The following LRRC37A variants were observed in gnomAD, a reference collection of about 807,000 sequenced individuals.
LRRC37A encodes the protein leucine rich repeat containing 37A, also known as leucine-rich repeat-containing protein 37A.
In LRRC37A, 3 loss-of-function variants were observed where a neutral mutation model predicts 35.4. That is an observed-to-expected ratio of 0.08 (90% CI 0.04 to 0.22). The LOEUF is 0.22. Among genes scored for constraint, LRRC37A ranks in the 10% least tolerant of loss-of-function variants. The pLI is 1.00. For synonymous variants in LRRC37A, 23 were observed against 215.0 expected, an observed-to-expected ratio of 0.11 and a Z score of 7.81; for missense variants, 67 against 565.3, an observed-to-expected ratio of 0.12 and a Z score of 8.94.
At chr17:46,259,481 T>A in the LRRC37A span, 1 of 1,442,948 alleles carries the variant, frequency 6.9e-7, no homozygotes, top group Non-Finnish European at 9.6e-7. Context: ...CCACCCAGGT[T>A]TGCTGGGTTG....
chr17:46,262,709 C>T, the LRRC37A span, among the ~76,000 whole-genome samples: 4 of 151,228 alleles, frequency 2.6e-5, no homozygotes, highest in East Asian at 1.9e-4. Context: ...TCACTTGAAC[C>T]GGGAGGCGGA....
the LRRC37A span, chr17:46,275,300 A>C: frequency 1.4e-6 from 1 of 703,430 alleles, no homozygotes; most frequent in East Asian, 4.5e-5. Context: ...TAGCCTCACT[A>C]AAAAGATCTG....
At chr17:46,289,803 C>T (rs1465697885), upstream of LRRC37A, among the ~76,000 whole-genome samples, 3 of 152,112 alleles carry the variant, frequency 2.0e-5, no homozygotes, top group Admixed American at 1.3e-4. Flanking sequence ...AATGAAGGGC[C>T]GAATTAATTT....
chr17:46,302,720 TA>T lies in LRRC37A; in HGVS notation c.2753+13del, dbSNP rs1292147322. 1.2e-5 allele frequency: 2 copies of T among 165,744 alleles called. No homozygotes were observed. Among genetic ancestry groups the T allele is most frequent in the East Asian group, 9.3e-5 (2 of 21,430 alleles). The allele number at this position is 165,744 out of a possible 1,614,324, so 10.3% of individuals were successfully genotyped here. A position where few individuals can be genotyped will look rare whatever the true frequency, so the allele number is the denominator to read the frequency against. On this transcript the variant is annotated intron_variant, in intron 3 of 13. Coordinates refer to ENST00000320254, the Ensembl canonical transcript of LRRC37A. The stretch of plus-strand genomic sequence containing the variant: ...ATCCCTCCAGTATTTGTAAGTTAGT[TA>T]ATTATATTTATGAGTTTTTAGTCAT...
chr17:46,279,145 T>C, the LRRC37A span, among the ~76,000 whole-genome samples: 2 of 152,084 alleles, frequency 1.3e-5, no homozygotes, highest in Non-Finnish European at 2.9e-5. Flanking sequence ...TTTTTCTCTA[T>C]ACCACCTAGT....
the LRRC37A span, among the ~76,000 whole-genome samples, chr17:46,254,459 T>TTCCCAGGC: frequency 6.6e-6 from 1 of 152,148 alleles, no homozygotes; most frequent in Non-Finnish European, 1.5e-5. Context: ...TCACTCTTGT[T>TTCCCAGGC]TCCCAGGCTC....
chr17:46,269,932 G>C, the LRRC37A span, among the ~76,000 whole-genome samples: 2 of 152,190 alleles, frequency 1.3e-5, no homozygotes, highest in African/African-American at 2.4e-5. Flanking sequence ...ACCAATGACA[G>C]CTCACAAGCA....
the LRRC37A span, among the ~76,000 whole-genome samples, chr17:46,279,017 C>T: frequency 6.6e-6 from 1 of 151,882 alleles, no homozygotes; most frequent in Admixed American, 6.6e-5. Flanking sequence ...AGGCTGGTCT[C>T]GAACTCCTGA....
chr17:46,257,648 T>C, the LRRC37A span, among the ~76,000 whole-genome samples: 1 of 143,710 alleles, frequency 7.0e-6, no homozygotes, highest in East Asian at 2.1e-4. Flanking sequence ...ACTTTGTTTC[T>C]ACTTAAAAAA....
chr17:46,278,163 C>T, the LRRC37A span, among the ~76,000 whole-genome samples: 1 of 152,130 alleles, frequency 6.6e-6, no homozygotes, highest in Non-Finnish European at 1.5e-5. Context: ...GCCAGCTGGT[C>T]TCGAACTCCT....
the LRRC37A span, among the ~76,000 whole-genome samples, chr17:46,252,081 C>T: frequency 6.6e-6 from 1 of 152,192 alleles, no homozygotes; most frequent in Non-Finnish European, 1.5e-5. Context: ...AAGATGGAAT[C>T]CTTAGTAAAT....
chr17:46,254,673 C>G, the LRRC37A span, among the ~76,000 whole-genome samples: 13 of 151,586 alleles, frequency 8.6e-5, no homozygotes, highest in Non-Finnish European at 1.9e-4. Flanking sequence ...TCCGGAGTAG[C>G]TGGGATTACA....
chr17:46,263,550 CAAAAAAA>C, the LRRC37A span, among the ~76,000 whole-genome samples: 5 of 63,630 alleles, frequency 7.9e-5, no homozygotes, highest in South Asian at 1.0e-3. Context: ...GACTCTGTCT[CAAAAAAA>C]AAAAAAAAAA....
At chr17:46,248,577 C>T in the LRRC37A span, among the ~76,000 whole-genome samples, 3 of 152,014 alleles carry the variant, frequency 2.0e-5, no homozygotes, top group Non-Finnish European at 2.9e-5. Flanking sequence ...TGCAGTGCAG[C>T]GGCATGACCT....
chr17:46,268,842 GTCACTTTGTTATT>G, the LRRC37A span: 1 of 591,096 alleles, frequency 1.7e-6, no homozygotes, highest in East Asian at 4.8e-5. Context: ...TCTCGAAGGT[GTCACTTTGTTATT>G]TACAAGATGC....
At chr17:46,330,671 C>T in exon 9 of LRRC37A, 1 of 290,708 alleles carries the variant, frequency 3.4e-6, no homozygotes, top group Non-Finnish European at 6.6e-6. Context: ...AGCGGTAAAC[C>T]TAGATGTGAA....
At chr17:46,265,319 TTCTTCTTTTTTTCTCC>T in the LRRC37A span, among the ~76,000 whole-genome samples, 1 of 137,674 alleles carries the variant, frequency 7.3e-6, no homozygotes. Flanking sequence ...CTTCTTCCTC[TTCTTCTTTTTTTCTCC>T]TCTTCTTCTT....
the LRRC37A span, among the ~76,000 whole-genome samples, chr17:46,272,660 C>T: frequency 6.6e-6 from 1 of 152,196 alleles, no homozygotes; most frequent in African/African-American, 2.4e-5. Context: ...GGTGATCCCC[C>T]CTGCCTCGGC....
chr17:46,279,553 G>C, the LRRC37A span, among the ~76,000 whole-genome samples: 1 of 147,252 alleles, frequency 6.8e-6, no homozygotes, highest in East Asian at 2.0e-4. Flanking sequence ...CCAGGCTGGA[G>C]TGTAGTTGCA....
Sources: gnomAD v4.1 joint callset for allele counts (sites outside exome capture counted in the v4.1 genomes callset) on GRCh38, gnomAD v4.1.1 for gene constraint, MANE v1.5 for transcripts, NCBI Gene and HGNC (gene_info 2026-07-23, HGNC 2026-07-21) for gene names.